The following GULP1 variants were observed in gnomAD, a reference collection of about 807,000 sequenced individuals.
The protein encoded by GULP1 is GULP PTB domain containing engulfment adaptor 1.
Under a neutral mutation model 40.9 loss-of-function variants are expected in GULP1, and 19 were observed. The ratio of observed to expected loss-of-function variants is 0.46; its 90% CI spans 0.32 to 0.68. The LOEUF (loss-of-function observed/expected upper bound fraction) is 0.68. Among genes scored for constraint, GULP1 ranks in the 30% least tolerant of loss-of-function variants. The pLI, the probability that GULP1 is intolerant of heterozygous loss-of-function variation, is 0.03. For missense variants in GULP1, 312 were observed against 362.2 expected (o/e 0.86, Z 1.12); for synonymous variants, 119 against 117.6 (o/e 1.01, Z -0.08).
chr2:188,521,604 C>T (rs2065786172), intron 4 of GULP1, among the ~76,000 whole-genome samples: 2 of 152,158 alleles, frequency 1.3e-5, no homozygotes, highest in Admixed American at 6.5e-5. Context: ...ACCATCAGAT[C>T]TCATGAGACT....
chr2:188,347,614 A>ATTT (rs10627846), intron 1 of GULP1, among the ~76,000 whole-genome samples: 16,446 of 135,186 alleles, frequency 0.12, 1,269 homozygotes, highest in Non-Finnish European at 0.16. Context: ...ATCTCAAAGC[A>ATTT]TTTTTTTTTT....
Position 188,470,236 on chromosome 2 carries a change from G to A in GULP1, c.-44-7423G>A, listed in dbSNP as rs576414018. On this transcript the variant is annotated intron_variant, in intron 2 of 11. Transcript: ENST00000409830. Reference sequence around the variant, plus strand: ...TATTACAGCTTTGATCTTGTCACTTGTTATTGATTTGTTCATGTTTTGAAT... The same window carrying A: ...TATTACAGCTTTGATCTTGTCACTTATTATTGATTTGTTCATGTTTTGAAT... Among the ~76,000 whole-genome samples, 8 of 152,166 alleles carry A rather than the reference G, an allele frequency of 5.3e-5. No homozygotes were observed. The South Asian group carries it at 1.7e-3, about 32-fold the overall frequency.
intron 2 of GULP1, among the ~76,000 whole-genome samples, chr2:188,412,223 G>T (rs2053984538): frequency 6.6e-6 from 1 of 152,062 alleles, no homozygotes; most frequent in African/African-American, 2.4e-5. Flanking sequence ...AGGGGGAGAA[G>T]CCCTTATAAA....
intron 2 of GULP1, among the ~76,000 whole-genome samples, chr2:188,421,724 C>T (rs2055442736): frequency 6.6e-6 from 1 of 152,078 alleles, no homozygotes; most frequent in Admixed American, 6.6e-5. Flanking sequence ...AGTGACCATT[C>T]TTGCTGGGGA....
chr2:188,426,108 A>G (rs2056165001), intron 2 of GULP1, among the ~76,000 whole-genome samples: 1 of 152,168 alleles, frequency 6.6e-6, no homozygotes, highest in Non-Finnish European at 1.5e-5. Context: ...AATACATGTA[A>G]GGTATACACT....
chr2:188,432,346 C>T lies in GULP1; in HGVS notation c.-44-45313C>T, dbSNP rs547367426. Among the ~76,000 whole-genome samples the T allele has an allele frequency of 6.5e-4, 99 of 151,700 alleles. 1 individual carries two copies. Among genetic ancestry groups the T allele is most frequent in the African/African-American group, 2.3e-3 (95 of 41,468 alleles). Reference sequence around the variant, plus strand: ...GTTTACCTAGATTACTTATGAAAAACTGAGATATTAGAAAAAGCTAGAAAT... The same window carrying T: ...GTTTACCTAGATTACTTATGAAAAATTGAGATATTAGAAAAAGCTAGAAAT... On this transcript the variant is annotated intron_variant, in intron 2 of 11. Coordinates refer to ENST00000409830, the MANE Select transcript of GULP1 (RefSeq NM_016315.4).
intron 9 of GULP1, among the ~76,000 whole-genome samples, chr2:188,573,277 CTTAT>C (rs1322294538): frequency 1.3e-5 from 2 of 152,002 alleles, no homozygotes; most frequent in African/African-American, 4.8e-5. Flanking sequence ...TTAAGTACAG[CTTAT>C]TTATCTCATA....
At chr2:188,526,297 G>A (rs1189731450) in intron 5 of GULP1, among the ~76,000 whole-genome samples, 3 of 151,968 alleles carry the variant, frequency 2.0e-5, no homozygotes, top group Non-Finnish European at 4.4e-5. Flanking sequence ...CACTTCCTTT[G>A]AATACTTTTT....
intron 1 of GULP1, among the ~76,000 whole-genome samples, chr2:188,325,255 A>G (rs1455287862): frequency 6.6e-6 from 1 of 152,116 alleles, no homozygotes; most frequent in Non-Finnish European, 1.5e-5. Context: ...CCAGAAATGT[A>G]TGAGGTCATA....
At chr2:188,569,991 A>G (rs1420293321) in intron 8 of GULP1, 37 bp from the exon 9 acceptor site, 1 of 838,348 alleles carries the variant, frequency 1.2e-6, no homozygotes, top group Non-Finnish European at 2.0e-6. Context: ...CAAGAAAAAA[A>G]AAACAGAAAG....
intron 1 of GULP1, among the ~76,000 whole-genome samples, chr2:188,303,651 G>T (rs1031479286): frequency 3.3e-5 from 5 of 152,192 alleles, no homozygotes; most frequent in African/African-American, 1.2e-4. Context: ...TTGGGTTGGA[G>T]GGAAACATAG....
At chr2:188,352,704 A>G (rs1178764905) in intron 1 of GULP1, among the ~76,000 whole-genome samples, 1 of 151,780 alleles carries the variant, frequency 6.6e-6, no homozygotes, top group East Asian at 1.9e-4. Context: ...CTTATAATAC[A>G]TTTAAACTTA....
chr2:188,417,925 G>A (rs771697501), intron 2 of GULP1, among the ~76,000 whole-genome samples: 1 of 151,914 alleles, frequency 6.6e-6, no homozygotes, highest in East Asian at 1.9e-4. Flanking sequence ...CAAGTAGCTG[G>A]GACTTACAGA....
At chr2:188,383,104 G>C (rs2049216781) in intron 1 of GULP1, among the ~76,000 whole-genome samples, 1 of 152,170 alleles carries the variant, frequency 6.6e-6, no homozygotes, top group African/African-American at 2.4e-5. Flanking sequence ...ATACTATGCT[G>C]TGAATTCTGG....
chr2:188,488,489 T>A (rs1488785915), intron 4 of GULP1, among the ~76,000 whole-genome samples: 1 of 152,092 alleles, frequency 6.6e-6, no homozygotes, highest in Non-Finnish European at 1.5e-5. Flanking sequence ...TTAATATAGT[T>A]GTTATAGAAA....
At chr2:188,425,009 C>CT (rs1374526244) in intron 2 of GULP1, among the ~76,000 whole-genome samples, 1 of 151,826 alleles carries the variant, frequency 6.6e-6, no homozygotes, top group East Asian at 1.9e-4. Context: ...TGGCTTGTTT[C>CT]TTTTTTTCGA....
At chr2:188,452,876 C>G (rs1450288492) in intron 2 of GULP1, among the ~76,000 whole-genome samples, 4 of 152,154 alleles carry the variant, frequency 2.6e-5, no homozygotes. Flanking sequence ...ACTATTAGCA[C>G]TTACAACATT....
intron 4 of GULP1, among the ~76,000 whole-genome samples, chr2:188,512,223 T>G (rs781018103): frequency 6.6e-6 from 1 of 152,126 alleles, no homozygotes; most frequent in African/African-American, 2.4e-5. Flanking sequence ...TCCCATCATA[T>G]TTGAGGCTCT....
At chr2:188,410,970 T>C (rs2053793285) in intron 2 of GULP1, among the ~76,000 whole-genome samples, 1 of 152,204 alleles carries the variant, frequency 6.6e-6, no homozygotes. Flanking sequence ...GCTTGTTTAC[T>C]CATGTGGTCA....
Sources: allele counts gnomAD v4.1 joint callset (sites outside exome capture counted in the v4.1 genomes callset), GRCh38; gene constraint gnomAD v4.1.1; transcripts MANE v1.5; gene names NCBI Gene and HGNC (gene_info 2026-07-23, HGNC 2026-07-21).